Variants in GLP1R observed in about 807,000 individuals in gnomAD.
The protein encoded by GLP1R is glucagon like peptide 1 receptor.
GLP1R carries 32 observed loss-of-function variants against 68.4 expected under a neutral mutation model. The ratio of observed to expected loss-of-function variants is 0.47; its 90% CI spans 0.35 to 0.63. The LOEUF (loss-of-function observed/expected upper bound fraction) is 0.63. Ranked by LOEUF, GLP1R falls within the 20% of genes least tolerant of loss-of-function variation. The pLI, the probability that GLP1R is intolerant of heterozygous loss-of-function variation, is 0.00. For synonymous variants in GLP1R, 263 were observed against 244.4 expected (o/e 1.08, Z -0.71); for missense variants, 502 against 594.9 (o/e 0.84, Z 1.62).
chr6:39,090,071 A>T lies in GLP1R; in HGVS notation c.*3998A>T, dbSNP rs1769245548. Among the ~76,000 whole-genome samples the T allele has an allele frequency of 6.6e-6, 1 of 152,200 alleles. No individual in the cohort carries two copies. The highest frequency in any genetic ancestry group is 2.4e-5 in the African/African-American group (1 of 41,438). ...GGAATGAGTTCCCCTGGGAAAGAAA[A>T]TCGCCCAAGTGAGAAACTTATGCCA... is the stretch of plus-strand genomic sequence containing the variant. On this transcript the variant is annotated 3_prime_UTR_variant, in exon 13 of 13. Transcript: ENST00000373256.
At chr6:39,084,011 TGAA>T (rs1683907447) in intron 12 of GLP1R, among the ~76,000 whole-genome samples, 1 of 152,000 alleles carries the variant, frequency 6.6e-6, no homozygotes, top group African/African-American at 2.4e-5. Flanking sequence ...GATGCTGAGA[TGAA>T]GAAGATGTGG....
rs1329654429 is a variant in GLP1R, at chr6:39,079,629, T to C, written c.1109T>C (p.Val370Ala). 2 of 1,611,768 alleles carry C rather than the reference T, an allele frequency of 1.2e-6. No homozygotes were observed. The highest frequency in any genetic ancestry group is 8.5e-7 in the Non-Finnish European group (1 of 1,179,230). Residue 370 changes from valine to alanine, a missense_variant, in exon 11 of 13, where the codon GTG becomes GCG. Physicochemically the swap from Val to Ala is moderately conservative, Grantham distance 64. Coordinates refer to ENST00000373256, the MANE Select transcript of GLP1R (RefSeq NM_002062.5). This position sits in a 1 kb window ranked among gnomAD's most constrained non-coding sequence, Gnocchi z 4.5. ...ACTCATGAGGTCATCTTTGCCTTTGTGATGGACGAGCACGCCCGGGGGACC... is the reference window on the plus strand; with the variant it reads ...ACTCATGAGGTCATCTTTGCCTTTGCGATGGACGAGCACGCCCGGGGGACC... ...LGTHEVIFAF[V>A]MDEHARGTLR...
At chr6:39,070,562 C>A (rs574357000) in intron 5 of GLP1R, among the ~76,000 whole-genome samples, 141 of 152,336 alleles carry the variant, frequency 9.3e-4, no homozygotes, top group African/African-American at 3.2e-3. Context: ...CACCAGTTTA[C>A]CCTCTCATCA....
chr6:39,077,327 T>C (rs1400918106), intron 7 of GLP1R, among the ~76,000 whole-genome samples: 1 of 152,218 alleles, frequency 6.6e-6, no homozygotes, highest in Non-Finnish European at 1.5e-5. Flanking sequence ...CCAGGGTTGC[T>C]GTCATCTCAA....
At chr6:39,059,676 C>G (rs2150823713) in intron 3 of GLP1R, among the ~76,000 whole-genome samples, 1 of 152,262 alleles carries the variant, frequency 6.6e-6, no homozygotes, top group East Asian at 1.9e-4. Context: ...ATTTTTCCCA[C>G]CTCCCTACAT....
At chr6:39,084,707 A>G (rs892715100) in intron 12 of GLP1R, among the ~76,000 whole-genome samples, 4 of 152,200 alleles carry the variant, frequency 2.6e-5, no homozygotes, top group African/African-American at 9.7e-5. Flanking sequence ...ATGACGCTGC[A>G]TGGGACACTG....
intron 5 of GLP1R, among the ~76,000 whole-genome samples, chr6:39,067,474 G>A (rs7765641): frequency 0.45 from 69,099 of 152,048 alleles, 16,373 homozygotes; most frequent in Non-Finnish European, 0.51. Flanking sequence ...ACATGGCAGA[G>A]GGGCAAATGG....
At chr6:39,073,165 C>T (rs1031867384) in intron 6 of GLP1R, 150 bp downstream of exon 6, 27 of 689,796 alleles carry the variant, frequency 3.9e-5, no homozygotes, top group African/African-American at 1.6e-4. Flanking sequence ...AGAGGCAGTT[C>T]GCCTTGGGAC....
rs201825120 is a variant in GLP1R at position 39,079,738 on chromosome 6, C to T, written c.1182+36C>T. On this transcript the variant is annotated intron_variant, in intron 11 of 12. Transcript: ENST00000373256. The surrounding 1 kb of genome is among the most constrained non-coding windows in gnomAD (Gnocchi z 4.5). The stretch of plus-strand genomic sequence containing the variant: ...GCTTGGGGACACTTGCTTGTAAAGT[C>T]CTAGAGTGGGGGTGGGACAGACACC... 18 of 1,587,054 alleles carry T rather than the reference C, an allele frequency of 1.1e-5. No individual in the cohort carries two copies. The African/African-American group carries it at 2.2e-4, about 19-fold the overall frequency.
intron 1 of GLP1R, 122 bp from the exon 2 acceptor site, chr6:39,056,275 C>G (rs1768211142): frequency 1.7e-6 from 1 of 584,146 alleles, no homozygotes; most frequent in Non-Finnish European, 3.1e-6. Flanking sequence ...GTGGCTGATG[C>G]CTGGCAGAAT....
At position 39,048,880 on chromosome 6, in the gene GLP1R, C is replaced by T; in HGVS notation, c.40C>T (p.Leu14=). 1 of 1,497,878 alleles carries T rather than the reference C, an allele frequency of 6.7e-7. No homozygotes were observed. Among genetic ancestry groups the T allele is most frequent in the South Asian group, 1.3e-5 (1 of 78,820 alleles). 92.8% of individuals were successfully genotyped at this position (1,497,878 alleles called of 1,614,324 possible). ...CGGCCCGCTGCGCCTTGCGCTGCTG[C>T]TGCTCGGGATGGTGGGCAGGGCCGG... The part of the protein sequence containing the change: ...APGPLRLALL[L]LGMVGRAGPR... Residue 14 remains leucine (L), a synonymous_variant, in exon 1 of 13, where the codon CTG becomes TTG. Coordinates refer to ENST00000373256, the MANE Select transcript of GLP1R (RefSeq NM_002062.5).
At position 39,072,894 on chromosome 6, in the gene GLP1R, T is replaced by C. The variant is rs1206180510; in HGVS notation, c.542T>C (p.Leu181Pro). 2 of 1,614,056 alleles carry C rather than the reference T, an allele frequency of 1.2e-6. No individual in the cohort carries two copies. The highest frequency in any genetic ancestry group is 1.7e-6 in the Non-Finnish European group (2 of 1,179,968). ...HLHCTRNYIH[L>P]NLFASFILRA... is the part of the protein sequence containing the mutation. The stretch of plus-strand genomic sequence containing the variant: ...CACTGCACCAGGAACTACATCCACC[T>C]GAACCTGTTTGCATCCTTCATCCTG... The change falls in exon 6 of 13, where the codon CTG becomes CCG. Residue 181 changes from leucine to proline, a missense_variant. Leu to Pro is a moderately conservative substitution (Grantham distance 98). Coordinates refer to ENST00000373256, the MANE Select transcript of GLP1R (RefSeq NM_002062.5).
At chr6:39,055,479 C>A (rs1320847653) in intron 1 of GLP1R, among the ~76,000 whole-genome samples, 1 of 152,182 alleles carries the variant, frequency 6.6e-6, no homozygotes, top group Non-Finnish European at 1.5e-5. Flanking sequence ...ATGGTGGATT[C>A]TCAGTGGGAT....
intron 1 of GLP1R, among the ~76,000 whole-genome samples, chr6:39,055,862 C>T (rs535405358): frequency 2.0e-5 from 3 of 152,256 alleles, no homozygotes; most frequent in Admixed American, 2.0e-4. Context: ...GATATTCTAC[C>T]ATGGTCACTG....
intron 12 of GLP1R, among the ~76,000 whole-genome samples, chr6:39,084,597 C>T (rs1463540502): frequency 1.3e-5 from 2 of 152,214 alleles, no homozygotes; most frequent in African/African-American, 4.8e-5. Flanking sequence ...CATGCGCTCC[C>T]TTCACAAAGA....
chr6:39,053,482 G>T (rs955231848), intron 1 of GLP1R, among the ~76,000 whole-genome samples: 3 of 152,190 alleles, frequency 2.0e-5, no homozygotes, highest in African/African-American at 7.2e-5. Context: ...AAGTGAGGAA[G>T]GGGTGGGGCC....
chr6:39,066,310 T>TGG lies in GLP1R; in HGVS notation c.509+8_509+9dup. ...CGATCCTCCTCGGCTTCAGGTAAGGTGGCCCGGACCCTGGGAGGGGGCTGC... is the reference window on the plus strand; with the variant it reads ...CGATCCTCCTCGGCTTCAGGTAAGGTGGGGCCCGGACCCTGGGAGGGGGCTGC... On this transcript the variant is annotated splice_region_variant and intron_variant, in intron 5 of 12. Coordinates refer to ENST00000373256, the MANE Select transcript of GLP1R (RefSeq NM_002062.5). 6.5e-7 allele frequency: 1 copy of TGG among 1,544,672 alleles called. No homozygotes were observed. Among genetic ancestry groups the TGG allele is most frequent in the Non-Finnish European group, 9.0e-7 (1 of 1,116,672 alleles).
rs757047051 is a variant in GLP1R, at chr6:39,056,402, C to T, written c.84C>T (p.Ala28=). The change falls in exon 2 of 13, where the codon GCC becomes GCT. Residue 28 remains alanine (A), a synonymous_variant. Coordinates refer to ENST00000373256, the MANE Select transcript of GLP1R (RefSeq NM_002062.5). ...VGRAGPRPQG[A]TVSLWETVQK... ...CATATATGCCCTCCCCCCAGGGTGC[C>T]ACTGTGTCCCTCTGGGAGACGGTGC... The T allele has an allele frequency of 6.3e-7, 1 of 1,587,454 alleles. No homozygotes were observed. Among genetic ancestry groups the T allele is most frequent in the Non-Finnish European group, 8.7e-7 (1 of 1,155,962 alleles).
intron 5 of GLP1R, among the ~76,000 whole-genome samples, chr6:39,067,153 A>G (rs2150828545): frequency 6.6e-6 from 1 of 152,246 alleles, no homozygotes; most frequent in South Asian, 2.1e-4. Context: ...CCCTACACCC[A>G]TCAGAGGTAA....
Sources: allele counts gnomAD v4.1 joint callset (sites outside exome capture counted in the v4.1 genomes callset), GRCh38; gene constraint gnomAD v4.1.1; non-coding constraint Gnocchi (gnomAD v3.1); transcripts MANE v1.5; gene names NCBI Gene and HGNC (gene_info 2026-07-23, HGNC 2026-07-21).